The following AMOT variants were observed in gnomAD, a reference collection of about 807,000 sequenced individuals.
AMOT encodes angiomotin.
A neutral mutation model predicts 67.0 loss-of-function variants in AMOT; 11 were observed. The observed-to-expected ratio is 0.16, with a 90% confidence interval of 0.10 to 0.27. The LOEUF (loss-of-function observed/expected upper bound fraction) is 0.27, where lower values mean the gene tolerates loss of function less well. Among genes scored for constraint, AMOT ranks in the 10% least tolerant of loss-of-function variants. The pLI is 1.00. For synonymous variants in AMOT, 326 were observed against 321.4 expected (o/e 1.01, Z -0.15); for missense variants, 753 against 852.0 (o/e 0.88, Z 1.45).
chrX:112,801,010 G>A (rs1054570022), intron 8 of AMOT, among the ~76,000 whole-genome samples: 8 of 111,394 alleles, frequency 7.2e-5, no homozygotes, highest in African/African-American at 2.0e-4. Context: ...CTCCCTTCCT[G>A]TGCACTCAGT....
Position 112,815,610 on chromosome X carries a change from TTGC to T in AMOT, c.1137_1139del (p.Gln384del), listed in dbSNP as rs752438261. 2 of 1,205,641 alleles carry T rather than the reference TTGC, an allele frequency of 1.7e-6. No individual in the cohort carries two copies. The highest frequency in any genetic ancestry group is 2.3e-4 in the Middle Eastern group (1 of 4,342). ...GGTGATGATGGTGCTGCTGCTGCTG[TTGC>T]TGCTGCTGCTGACTCAGGCCAGGTT... On this transcript the variant is annotated inframe_deletion, in exon 5 of 14. Transcript: ENST00000371959.
At chrX:112,796,033 T>TAAAA (rs746583302) in intron 8 of AMOT, among the ~76,000 whole-genome samples, 2 of 99,758 alleles carry the variant, frequency 2.0e-5, no homozygotes, top group Admixed American at 1.1e-4. Context: ...TTCAGAAGTT[T>TAAAA]AAAAAAAAAA....
At chrX:112,815,930 G>T in intron 4 of AMOT, 53 bp from the exon 5 acceptor site, 1 of 1,132,453 alleles carries the variant, frequency 8.8e-7, no homozygotes, top group Non-Finnish European at 1.2e-6. Flanking sequence ...AGGCACTGGG[G>T]GAGAAGGGCA....
At chrX:112,838,867 C>A (rs998131506) in intron 1 of AMOT, among the ~76,000 whole-genome samples, 2 of 112,202 alleles carry the variant, frequency 1.8e-5, no homozygotes, top group Non-Finnish European at 1.9e-5. Flanking sequence ...TGATGTAGTG[C>A]CAGAAAGTGT....
In AMOT at chrX:112,806,337, T is replaced by TATATATGTTTTATAC. The variant is rs1556214780; in HGVS notation, c.1631-1246_1631-1245insGTATAAAACATATAT. Reference sequence around the variant, plus strand: ...TACACACACACGTTTTATACATATGTATATATACATATGTATAAAACGTGT... The same window carrying TATATATGTTTTATAC: ...TACACACACACGTTTTATACATATGTATATATGTTTTATACATATATACATATGTATAAAACGTGT... On this transcript the variant is annotated intron_variant, in intron 7 of 13. Coordinates refer to ENST00000371959, the MANE Select transcript of AMOT (RefSeq NM_001113490.2). Among the ~76,000 whole-genome samples, 301 of 98,517 alleles carry TATATATGTTTTATAC rather than the reference T, an allele frequency of 3.1e-3. 4 individuals are homozygous for TATATATGTTTTATAC. The highest frequency in any genetic ancestry group is 0.011 in the African/African-American group (284 of 25,214). The allele number at this position is 98,517 out of a possible 115,157, so 85.6% of individuals were successfully genotyped here.
chrX:112,835,594 T>C (rs1470579671), intron 1 of AMOT, among the ~76,000 whole-genome samples: 1 of 109,883 alleles, frequency 9.1e-6, no homozygotes, highest in Non-Finnish European at 1.9e-5. Context: ...ATCTTTTTTT[T>C]TTTTTTTTGA....
chrX:112,795,496 C>A (rs1049912592), intron 8 of AMOT, among the ~76,000 whole-genome samples: 1 of 111,493 alleles, frequency 9.0e-6, no homozygotes, highest in South Asian at 3.8e-4. Context: ...TCAGCAGCAG[C>A]CCAAATCCAG....
At chrX:112,794,503 C>T (rs1332867849) in intron 8 of AMOT, among the ~76,000 whole-genome samples, 2 of 111,545 alleles carry the variant, frequency 1.8e-5, no homozygotes, top group Admixed American at 1.9e-4. Flanking sequence ...TAGTAAATGC[C>T]TACTCTCTAG....
At chrX:112,813,008 T>G (rs924382487) in intron 5 of AMOT, among the ~76,000 whole-genome samples, 9 of 112,864 alleles carry the variant, frequency 8.0e-5, no homozygotes, top group Non-Finnish European at 1.1e-4. Flanking sequence ...CTGCGCCTGA[T>G]GAAGCTTTTG....
chrX:112,775,764 G>A lies in AMOT; in HGVS notation c.*2803C>T, dbSNP rs1269423676. ...AGTTTTTCTATACATGGAACACTGG[G>A]GTACAACTGAATTAGAAGGTCCTCA... is the stretch of plus-strand genomic sequence containing the variant. On this transcript the variant is annotated 3_prime_UTR_variant, in exon 14 of 14. Transcript: ENST00000371959. The A allele has an allele frequency of 3.6e-5, 4 of 111,899 alleles. No homozygotes were observed. Among genetic ancestry groups the A allele is most frequent in the African/African-American group, 6.5e-5 (2 of 30,680 alleles). The allele number at this position is 111,899 out of a possible 1,213,427, so 9.2% of individuals were successfully genotyped here.
intron 5 of AMOT, among the ~76,000 whole-genome samples, chrX:112,814,801 C>T (rs1231177627): frequency 9.0e-6 from 1 of 111,592 alleles, no homozygotes; most frequent in Non-Finnish European, 1.9e-5. Flanking sequence ...AGGGAGGGAC[C>T]AAATCAAAGG....
At chrX:112,795,264 G>C (rs1933769050) in intron 8 of AMOT, among the ~76,000 whole-genome samples, 1 of 110,124 alleles carries the variant, frequency 9.1e-6, no homozygotes, top group African/African-American at 3.3e-5. Flanking sequence ...GTGTGTGTGT[G>C]TGTGTGTGTG....
At chrX:112,794,166 C>A (rs192866076) in intron 8 of AMOT, among the ~76,000 whole-genome samples, 21 of 111,765 alleles carry the variant, frequency 1.9e-4, no homozygotes, top group African/African-American at 6.5e-4. Flanking sequence ...TGCAAGCTCA[C>A]AAAACTGAAA....
At chrX:112,782,234 C>A (rs951422919) in intron 11 of AMOT, among the ~76,000 whole-genome samples, 3 of 111,961 alleles carry the variant, frequency 2.7e-5, no homozygotes, top group Non-Finnish European at 5.6e-5. Flanking sequence ...TGCTGTATCA[C>A]AGGGTTGTGG....
chrX:112,829,870 TC>T (rs2147829929), intron 2 of AMOT, among the ~76,000 whole-genome samples: 1 of 111,721 alleles, frequency 9.0e-6, no homozygotes, highest in South Asian at 3.8e-4. Flanking sequence ...TCCCTCTATC[TC>T]CCAGCACACA....
intron 2 of AMOT, among the ~76,000 whole-genome samples, chrX:112,826,391 G>A (rs1325507255): frequency 8.9e-6 from 1 of 112,651 alleles, no homozygotes; most frequent in Non-Finnish European, 1.9e-5. Context: ...TTGCAATGTT[G>A]CCAAAAATAA....
intron 5 of AMOT, among the ~76,000 whole-genome samples, chrX:112,811,649 T>C (rs1934371458): frequency 8.9e-6 from 1 of 111,835 alleles, no homozygotes; most frequent in South Asian, 3.8e-4. Flanking sequence ...TCAGAGGAGA[T>C]GGTAAGATAG....
At position 112,778,469 on chromosome X, in the gene AMOT, CACA is replaced by C; in HGVS notation, c.*95_*97del. 1.2e-6 allele frequency: 1 copy of C among 807,011 alleles called. No individual in the cohort carries two copies. The highest frequency in any genetic ancestry group is 1.8e-6 in the Non-Finnish European group (1 of 561,654). The allele number at this position is 807,011 out of a possible 1,213,427, so 66.5% of individuals were successfully genotyped here. A position where few individuals can be genotyped will look rare whatever the true frequency, so the allele number is the denominator to read the frequency against. On this transcript the variant is annotated 3_prime_UTR_variant, in exon 14 of 14. Coordinates refer to ENST00000371959, the MANE Select transcript of AMOT (RefSeq NM_001113490.2). ...GTCCTGTTAAAAAACATCCCCTCCC[CACA>C]ACCCTTGTCCTCACCCTCAAAACAA...
Position 112,778,727 on chromosome X carries a change from C to G in AMOT, c.3158-63G>C, listed in dbSNP as rs898028122. On this transcript the variant is annotated intron_variant, in intron 13 of 13. Coordinates refer to ENST00000371959, the MANE Select transcript of AMOT (RefSeq NM_001113490.2). ...AAGAAAAAACCCATATTTCTAGAACCAGACACCATCAGAGCCCTCATGAAG... is the reference window on the plus strand; with the variant it reads ...AAGAAAAAACCCATATTTCTAGAACGAGACACCATCAGAGCCCTCATGAAG... 5.1e-6 allele frequency: 5 copies of G among 979,636 alleles called. No homozygotes were observed. The African/African-American group carries it at 9.7e-5, about 19-fold the overall frequency. 80.7% of individuals were successfully genotyped at this position (979,636 alleles called of 1,213,427 possible). A position where few individuals can be genotyped will look rare whatever the true frequency, so the allele number is the denominator to read the frequency against.
Sources: gnomAD v4.1 joint callset for allele counts (sites outside exome capture counted in the v4.1 genomes callset) on GRCh38, gnomAD v4.1.1 for gene constraint, MANE v1.5 for transcripts, NCBI Gene and HGNC (gene_info 2026-07-23, HGNC 2026-07-21) for gene names.